Variants in ARHGAP24 observed in about 807,000 individuals in gnomAD.
ARHGAP24 encodes the protein Rho GTPase activating protein 24, also known as rho GTPase-activating protein 24.
In ARHGAP24, 50 loss-of-function variants were observed where a neutral mutation model predicts 76.4. That is an observed-to-expected ratio of 0.65 (90% confidence interval 0.52 to 0.83). The LOEUF is 0.83. Ranked by LOEUF, ARHGAP24 falls within the 40% of genes least tolerant of loss-of-function variation. The pLI is 0.00. For missense variants in ARHGAP24, 930 were observed against 914.2 expected (o/e 1.02, Z -0.22); for synonymous variants, 345 against 323.3 (o/e 1.07, Z -0.72).
At chr4:85,725,679 C>T (rs893486278) in intron 3 of ARHGAP24, among the ~76,000 whole-genome samples, 6 of 152,184 alleles carry the variant, frequency 3.9e-5, no homozygotes, top group African/African-American at 1.4e-4. Flanking sequence ...ATTAGAAATC[C>T]ACTTCACATG....
intron 2 of ARHGAP24, among the ~76,000 whole-genome samples, chr4:85,618,913 A>G (rs4693719): frequency 0.51 from 77,370 of 151,972 alleles, 21,436 homozygotes; most frequent in Non-Finnish European, 0.64. Flanking sequence ...ATTTTCTGCC[A>G]TTCTGTAGAT....
At chr4:85,695,744 TTAGAG>T (rs1723843127) in intron 2 of ARHGAP24, among the ~76,000 whole-genome samples, 1 of 152,226 alleles carries the variant, frequency 6.6e-6, no homozygotes, top group Non-Finnish European at 1.5e-5. Flanking sequence ...TTAATATTCA[TTAGAG>T]TAAATTAATT....
chr4:85,852,705 A>G (rs1731307710), intron 3 of ARHGAP24, among the ~76,000 whole-genome samples: 1 of 152,182 alleles, frequency 6.6e-6, no homozygotes, highest in African/African-American at 2.4e-5. Context: ...TCTAACAGTC[A>G]GGTCCCTCAG....
chr4:85,880,830 C>G (rs1412954979), intron 3 of ARHGAP24, among the ~76,000 whole-genome samples: 1 of 152,154 alleles, frequency 6.6e-6, no homozygotes, highest in Non-Finnish European at 1.5e-5. Context: ...TTTAATGTGG[C>G]CTTAACCTTT....
intron 3 of ARHGAP24, among the ~76,000 whole-genome samples, chr4:85,788,110 C>T (rs1159457634): frequency 6.6e-6 from 1 of 152,100 alleles, no homozygotes; most frequent in Admixed American, 6.6e-5. Flanking sequence ...AGCCTAGGAA[C>T]ACACAGGGAT....
chr4:85,840,649 G>A (rs1294457017), intron 3 of ARHGAP24, among the ~76,000 whole-genome samples: 2 of 152,180 alleles, frequency 1.3e-5, no homozygotes. Context: ...CCCATGAAGT[G>A]TGAATACTTT....
intron 1 of ARHGAP24, among the ~76,000 whole-genome samples, chr4:85,487,567 CAT>C (rs1401987324): frequency 2.3e-5 from 2 of 87,046 alleles, no homozygotes; most frequent in African/African-American, 5.0e-5. Flanking sequence ...ATTATATAAA[CAT>C]ATATTTATTA....
At chr4:85,749,171 T>C (rs1238407318) in intron 3 of ARHGAP24, among the ~76,000 whole-genome samples, 1 of 152,202 alleles carries the variant, frequency 6.6e-6, no homozygotes, top group Non-Finnish European at 1.5e-5. Flanking sequence ...TCTAATATGT[T>C]GTCTTTTTCT....
intron 2 of ARHGAP24, among the ~76,000 whole-genome samples, chr4:85,609,395 G>C (rs1720310047): frequency 6.6e-6 from 1 of 152,048 alleles, no homozygotes; most frequent in Non-Finnish European, 1.5e-5. Flanking sequence ...GAATATTCTG[G>C]AATAAGAGTA....
intron 2 of ARHGAP24, among the ~76,000 whole-genome samples, chr4:85,611,799 A>G (rs932510250): frequency 7.9e-5 from 12 of 152,194 alleles, no homozygotes; most frequent in Admixed American, 3.3e-4. Flanking sequence ...AACTTGATGG[A>G]CTAGGCAAGA....
At chr4:85,729,731 G>C (rs770036345) in intron 3 of ARHGAP24, among the ~76,000 whole-genome samples, 2 of 152,146 alleles carry the variant, frequency 1.3e-5, no homozygotes, top group African/African-American at 2.4e-5. Flanking sequence ...AAAACAAATG[G>C]ATGTGGCTGT....
intron 3 of ARHGAP24, among the ~76,000 whole-genome samples, chr4:85,905,157 TAAGA>T (rs1183888930): frequency 6.6e-6 from 1 of 152,144 alleles, no homozygotes; most frequent in African/African-American, 2.4e-5. Context: ...GGTCAAAATC[TAAGA>T]AAGGATGCAT....
At chr4:85,505,965 T>G (rs936214593) in intron 1 of ARHGAP24, among the ~76,000 whole-genome samples, 1 of 152,132 alleles carries the variant, frequency 6.6e-6, no homozygotes, top group Admixed American at 6.5e-5. Flanking sequence ...TAGTTTTCCT[T>G]CTAGCAGTCA....
intron 2 of ARHGAP24, among the ~76,000 whole-genome samples, chr4:85,610,565 G>A (rs1002679753): frequency 2.5e-4 from 38 of 151,484 alleles, no homozygotes; most frequent in Non-Finnish European, 2.5e-4. Flanking sequence ...AAATGCAAAG[G>A]GTCTGAAATG....
intron 3 of ARHGAP24, among the ~76,000 whole-genome samples, chr4:85,896,897 T>C (rs1734209204): frequency 6.6e-6 from 1 of 152,184 alleles, no homozygotes; most frequent in Non-Finnish European, 1.5e-5. Context: ...CACATATTTA[T>C]ACCCCGTGAG....
At chr4:85,729,152 G>T (rs1393553542) in intron 3 of ARHGAP24, among the ~76,000 whole-genome samples, 2 of 151,958 alleles carry the variant, frequency 1.3e-5, no homozygotes, top group African/African-American at 4.8e-5. Flanking sequence ...AAGTCTGTAG[G>T]CAGCCGTGAA....
intron 4 of ARHGAP24, chr4:85,930,453 A>G (rs1252081887): frequency 1.7e-4 from 166 of 987,894 alleles, no homozygotes; most frequent in Non-Finnish European, 2.0e-4. Flanking sequence ...CAGCAAGGAC[A>G]GTCCTGAAAT....
chr4:85,949,695 TGGTCAATG>T (rs1251961982), intron 5 of ARHGAP24, among the ~76,000 whole-genome samples: 1 of 152,170 alleles, frequency 6.6e-6, no homozygotes, highest in East Asian at 1.9e-4. Context: ...TGCATACTCT[TGGTCAATG>T]GCAAATCACA....
intron 2 of ARHGAP24, among the ~76,000 whole-genome samples, chr4:85,571,590 T>C (rs1441158866): frequency 6.6e-6 from 1 of 152,174 alleles, no homozygotes; most frequent in Non-Finnish European, 1.5e-5. Flanking sequence ...TTGGACCAGG[T>C]CTCTGCTTTA....
Sources: allele counts gnomAD v4.1 joint callset (sites outside exome capture counted in the v4.1 genomes callset), GRCh38; gene constraint gnomAD v4.1.1; transcripts MANE v1.5; gene names NCBI Gene and HGNC (gene_info 2026-07-23, HGNC 2026-07-21).